Variants in FUT8 observed in about 807,000 individuals in gnomAD.
FUT8 encodes fucosyltransferase 8.
A neutral mutation model predicts 71.3 loss-of-function variants in FUT8; 29 were observed. The observed-to-expected ratio is 0.41, with a 90% confidence interval of 0.30 to 0.55. The LOEUF (loss-of-function observed/expected upper bound fraction) is 0.55. Among genes scored for constraint, FUT8 ranks in the 20% least tolerant of loss-of-function variants. The probability of loss-of-function intolerance (pLI) is 0.34; values close to 1 mark genes in which losing one functional copy is unlikely to be tolerated. For synonymous variants in FUT8, 254 were observed against 239.3 expected (o/e 1.06, Z -0.57); for missense variants, 544 against 702.1 (o/e 0.77, Z 2.55).
intron 2 of FUT8, among the ~76,000 whole-genome samples, chr14:65,490,208 A>T (rs950035931): frequency 6.6e-6 from 1 of 152,068 alleles, no homozygotes; most frequent in African/African-American, 2.4e-5. Context: ...CAAATAACCC[A>T]AATTTAGTTG....
At chr14:65,525,723 A>G (rs1883417589) in intron 2 of FUT8, among the ~76,000 whole-genome samples, 1 of 152,160 alleles carries the variant, frequency 6.6e-6, no homozygotes, top group East Asian at 1.9e-4. Flanking sequence ...CCCTCTACAG[A>G]CTGCTTTAAA....
intron 7 of FUT8, among the ~76,000 whole-genome samples, chr14:65,689,545 T>TG (rs1248951090): frequency 1.3e-5 from 2 of 152,044 alleles, no homozygotes; most frequent in Non-Finnish European, 2.9e-5. Context: ...TTTGTTTGTT[T>TG]TTTTGTTTTT....
At chr14:65,446,470 G>A (rs2065742889) in intron 1 of FUT8, among the ~76,000 whole-genome samples, 2 of 152,148 alleles carry the variant, frequency 1.3e-5, no homozygotes, top group Non-Finnish European at 2.9e-5. Context: ...ATTGGAGGTT[G>A]CAAAATAGTG....
chr14:65,594,148 T>A (rs1887836200), intron 3 of FUT8, among the ~76,000 whole-genome samples: 1 of 152,092 alleles, frequency 6.6e-6, no homozygotes, highest in Non-Finnish European at 1.5e-5. Flanking sequence ...ATGACAGGGG[T>A]GCCTCGTTTA....
intron 7 of FUT8, among the ~76,000 whole-genome samples, chr14:65,719,759 A>C (rs1895315847): frequency 6.6e-6 from 1 of 152,164 alleles, no homozygotes; most frequent in Admixed American, 6.5e-5. Context: ...AATTCTCTGG[A>C]TTACCAAGCA....
intron 7 of FUT8, among the ~76,000 whole-genome samples, chr14:65,699,218 G>A (rs964770042): frequency 7.4e-6 from 1 of 135,428 alleles, no homozygotes; most frequent in African/African-American, 2.9e-5. Context: ...AGAAACACAT[G>A]CCCATTCACA....
chr14:65,641,451 A>G (rs1459125910), intron 6 of FUT8, among the ~76,000 whole-genome samples: 2 of 152,198 alleles, frequency 1.3e-5, no homozygotes, highest in African/African-American at 2.4e-5. Context: ...TGGGGCTGTT[A>G]TAAATAAACT....
chr14:65,430,151 C>G (rs1389321620), intron 1 of FUT8: 1 of 151,618 alleles, frequency 6.6e-6, no homozygotes, highest in African/African-American at 2.4e-5. Context: ...TCCTGAGTAG[C>G]TGGGACTGTA....
At chr14:65,427,418 A>G (rs995965956) in intron 1 of FUT8, among the ~76,000 whole-genome samples, 115 of 152,338 alleles carry the variant, frequency 7.5e-4, no homozygotes, top group Non-Finnish European at 5.9e-5. Flanking sequence ...CCAACAGTGT[A>G]CAAGATTCCC....
upstream of FUT8, chr14:65,412,613 A>G: frequency 3.3e-6 from 1 of 300,420 alleles, no homozygotes; most frequent in South Asian, 2.6e-5. Flanking sequence ...CCACCGGCGC[A>G]GCGAGGAAGG....
intron 3 of FUT8, among the ~76,000 whole-genome samples, chr14:65,571,197 A>G (rs1421528721): frequency 3.9e-5 from 6 of 152,046 alleles, no homozygotes; most frequent in African/African-American, 1.2e-4. Flanking sequence ...ATCTTTTTCA[A>G]TGACTGATAT....
At chr14:65,476,568 G>A (rs1229571252) in intron 2 of FUT8, among the ~76,000 whole-genome samples, 1 of 151,908 alleles carries the variant, frequency 6.6e-6, no homozygotes, top group African/African-American at 2.4e-5. Context: ...TGTCTAGAGG[G>A]TCAGGAAAGG....
At chr14:65,415,384 G>A (rs983743995) in intron 1 of FUT8, among the ~76,000 whole-genome samples, 2 of 152,024 alleles carry the variant, frequency 1.3e-5, no homozygotes, top group African/African-American at 4.8e-5. Flanking sequence ...CTTTTCATGC[G>A]CTGCAATAAT....
At chr14:65,357,793 T>A in the FUT8 span, among the ~76,000 whole-genome samples, 3 of 152,184 alleles carry the variant, frequency 2.0e-5, no homozygotes, top group Non-Finnish European at 4.4e-5. Context: ...CATAAAATAG[T>A]GTGTGTGAAG....
rs201557787 is a variant in FUT8 at position 65,638,406 on chromosome 14, C to CT, written c.597+8804dup. Among the ~76,000 whole-genome samples, 1 of 146,950 alleles carries CT rather than the reference C, an allele frequency of 6.8e-6. No individual in the cohort carries two copies. Among genetic ancestry groups the CT allele is most frequent in the Non-Finnish European group, 1.5e-5 (1 of 67,880 alleles). ...GCTTTGGTTTATGTTTTGAATAGGA[C>CT]TTTTACTGGAAATTGGTAGATTATT... is the stretch of plus-strand genomic sequence containing the variant. On this transcript the variant is annotated intron_variant, in intron 6 of 10. Transcript: ENST00000673929. The surrounding 1 kb of genome is among the most constrained non-coding windows in gnomAD (Gnocchi z 4.5).
chr14:65,541,254 A>G (rs1196689420), intron 2 of FUT8, among the ~76,000 whole-genome samples: 1 of 152,196 alleles, frequency 6.6e-6, no homozygotes, highest in Non-Finnish European at 1.5e-5. Context: ...TTGTCTAGAG[A>G]AACAGTACCA....
intron 2 of FUT8, among the ~76,000 whole-genome samples, chr14:65,521,294 A>G (rs1883061430): frequency 6.6e-6 from 1 of 152,204 alleles, no homozygotes; most frequent in South Asian, 2.1e-4. Context: ...TTTATAATTG[A>G]TATTTTAAAT....
the FUT8 span, among the ~76,000 whole-genome samples, chr14:65,402,423 C>T: frequency 6.6e-6 from 1 of 150,834 alleles, no homozygotes; most frequent in Non-Finnish European, 1.5e-5. Flanking sequence ...AATCCCAGCA[C>T]TTTGGGAGGC....
chr14:65,615,750 G>A (rs1452252441), intron 3 of FUT8, among the ~76,000 whole-genome samples: 3 of 152,156 alleles, frequency 2.0e-5, no homozygotes, highest in Non-Finnish European at 2.9e-5. Context: ...GAAGATCATA[G>A]ATTTCTGAAG....
Sources: gnomAD v4.1 joint callset for allele counts (sites outside exome capture counted in the v4.1 genomes callset) on GRCh38, gnomAD v4.1.1 for gene constraint, Gnocchi (gnomAD v3.1) non-coding constraint, MANE v1.5 for transcripts, NCBI Gene and HGNC (gene_info 2026-07-23, HGNC 2026-07-21) for gene names.